Variants in EGFR observed in about 807,000 individuals in gnomAD.
EGFR encodes avian erythroblastic leukemia viral (v-erb-b) oncogene homolog.
Under a neutral mutation model 143.0 loss-of-function variants are expected in EGFR, and 58 were observed. The observed-to-expected ratio is 0.41, with a 90% confidence interval of 0.33 to 0.50. The LOEUF is 0.50. Among genes scored for constraint, EGFR ranks in the 20% least tolerant of loss-of-function variants. The pLI is 0.39. For synonymous variants in EGFR, 613 were observed against 594.4 expected (o/e 1.03, Z -0.45); for missense variants, 1,307 against 1,579.0 (o/e 0.83, Z 2.92).
intron 1 of EGFR, among the ~76,000 whole-genome samples, chr7:55,106,410 C>G (rs1055174470): frequency 6.6e-6 from 1 of 152,228 alleles, no homozygotes; most frequent in African/African-American, 2.4e-5. Context: ...GCAAGCCCAC[C>G]TTTTCCCTTC....
In EGFR at chr7:55,028,719, G is replaced by T. The variant is rs1009498211; in HGVS notation, c.88+9354G>T. Among the ~76,000 whole-genome samples, 5 of 151,960 alleles carry T rather than the reference G, an allele frequency of 3.3e-5. No homozygotes were observed. The East Asian group carries it at 9.6e-4, about 29-fold the overall frequency. On this transcript the variant is annotated intron_variant, in intron 1 of 27. Transcript: ENST00000275493. Reference sequence around the variant, plus strand: ...CTAGTGCTAACTTGCAAGATCTAATGGCTCCAACTAGATTTTTAAAATAAA... The same window carrying T: ...CTAGTGCTAACTTGCAAGATCTAATTGCTCCAACTAGATTTTTAAAATAAA...
At chr7:55,109,701 T>G (rs1268446807) in intron 1 of EGFR, 19 of 983,860 alleles carry the variant, frequency 1.9e-5, no homozygotes, top group Non-Finnish European at 2.2e-5. Flanking sequence ...GGTATAAACT[T>G]TTGACTCACA....
intron 1 of EGFR, among the ~76,000 whole-genome samples, chr7:55,021,959 G>A (rs932064605): frequency 3.9e-5 from 6 of 152,176 alleles, no homozygotes; most frequent in Admixed American, 6.5e-5. Context: ...TGCCTTGTCC[G>A]AGTTCTGGTT....
At chr7:55,188,422 C>G (rs1787240011) in intron 20 of EGFR, among the ~76,000 whole-genome samples, 1 of 152,242 alleles carries the variant, frequency 6.6e-6, no homozygotes, top group East Asian at 1.9e-4. Flanking sequence ...GCCCCGACAG[C>G]CATGTGGAGC....
At chr7:55,027,880 T>C (rs963864640) in intron 1 of EGFR, among the ~76,000 whole-genome samples, 4 of 151,668 alleles carry the variant, frequency 2.6e-5, no homozygotes, top group Admixed American at 1.3e-4. Context: ...ACCTATTTAT[T>C]TGCAGACATC....
chr7:55,157,575 C>A, intron 10 of EGFR, 88 bp from the exon 11 acceptor site: 1 of 1,060,138 alleles, frequency 9.4e-7, no homozygotes, highest in Non-Finnish European at 1.5e-6. Flanking sequence ...TCATATAATA[C>A]AGAGTCCCTG....
chr7:55,153,370 G>C (rs1204867458), intron 6 of EGFR, among the ~76,000 whole-genome samples: 2 of 152,262 alleles, frequency 1.3e-5, no homozygotes, highest in Non-Finnish European at 2.9e-5. Flanking sequence ...GTGACTCCTG[G>C]AGTGGGAGCT....
At chr7:55,027,134 GC>G in intron 1 of EGFR, among the ~76,000 whole-genome samples, 1 of 152,298 alleles carries the variant, frequency 6.6e-6, no homozygotes, top group Non-Finnish European at 1.5e-5. Flanking sequence ...CAAAATAACT[GC>G]ACTTGTCCTC....
chr7:55,158,263 C>A (rs930872577), intron 11 of EGFR, among the ~76,000 whole-genome samples: 1 of 152,206 alleles, frequency 6.6e-6, no homozygotes, highest in African/African-American at 2.4e-5. Flanking sequence ...AATAGACATG[C>A]AGGTGCTCAC....
chr7:55,146,902 G>A (rs556365465), intron 4 of EGFR, among the ~76,000 whole-genome samples, 162 bp downstream of exon 4: 1 of 152,238 alleles, frequency 6.6e-6, no homozygotes, highest in Non-Finnish European at 1.5e-5. Flanking sequence ...TATTTACCAC[G>A]GACATAGAGA....
chr7:55,068,206 A>C (rs1789628897), intron 1 of EGFR, among the ~76,000 whole-genome samples: 1 of 152,180 alleles, frequency 6.6e-6, no homozygotes, highest in African/African-American at 2.4e-5. Context: ...TCTGTTTTAA[A>C]ATATCAGAAC....
intron 1 of EGFR, among the ~76,000 whole-genome samples, chr7:55,112,742 G>A (rs1792588793): frequency 6.6e-6 from 1 of 152,216 alleles, no homozygotes; most frequent in Admixed American, 6.5e-5. Context: ...GTAGACTATG[G>A]AATTGCTGTC....
intron 24 of EGFR, 51 bp downstream of exon 24, chr7:55,200,464 T>C (rs2128970135): frequency 6.5e-7 from 1 of 1,549,678 alleles, no homozygotes; most frequent in Non-Finnish European, 8.9e-7. Context: ...CTAATGAGCA[T>C]CTCATGTCAC....
At chr7:55,151,701 C>T (rs1459200016) in intron 5 of EGFR, among the ~76,000 whole-genome samples, 3 of 152,092 alleles carry the variant, frequency 2.0e-5, no homozygotes, top group African/African-American at 7.2e-5. Context: ...AGTGAAACCT[C>T]GTCTCTACTA....
At chr7:55,115,086 G>A (rs906466514) in intron 1 of EGFR, among the ~76,000 whole-genome samples, 6 of 151,826 alleles carry the variant, frequency 4.0e-5, no homozygotes, top group African/African-American at 1.5e-4. Flanking sequence ...TTTCACCATG[G>A]TCTCGATCTC....
rs540647354 is a variant in EGFR, at chr7:55,152,711, C to A, written c.747+47C>A. The A allele has an allele frequency of 4.4e-5, 66 of 1,504,692 alleles. No homozygotes were observed. In the South Asian group the frequency reaches 7.2e-4, roughly 16 times the overall value. The allele number at this position is 1,504,692 out of a possible 1,614,324, so 93.2% of individuals were successfully genotyped here. A position where few individuals can be genotyped will look rare whatever the true frequency, so the allele number is the denominator to read the frequency against. ...CTCCCTGGAGCAGGCTGGGGCTGCA[C>A]CCGCCCCACCCACACCAGGACAGAA... On this transcript the variant is annotated intron_variant, in intron 6 of 27. Coordinates refer to ENST00000275493, the MANE Select transcript of EGFR (RefSeq NM_005228.5).
intron 3 of EGFR, among the ~76,000 whole-genome samples, chr7:55,145,180 T>G (rs930016499): frequency 1.3e-5 from 2 of 152,192 alleles, no homozygotes; most frequent in Non-Finnish European, 2.9e-5. Context: ...GGCCCAGCTC[T>G]GACTGTGCCT....
chr7:55,116,146 T>C (rs1376968496), intron 1 of EGFR, among the ~76,000 whole-genome samples: 1 of 152,212 alleles, frequency 6.6e-6, no homozygotes, highest in Non-Finnish European at 1.5e-5. Flanking sequence ...AAGAAAGGCT[T>C]GACAACATCG....
chr7:55,035,898 G>A (rs1787537628), intron 1 of EGFR, among the ~76,000 whole-genome samples: 1 of 151,824 alleles, frequency 6.6e-6, no homozygotes. Flanking sequence ...TAACATCTTA[G>A]TAGCAAAGTT....
Sources: allele counts gnomAD v4.1 joint callset (sites outside exome capture counted in the v4.1 genomes callset), GRCh38; gene constraint gnomAD v4.1.1; transcripts MANE v1.5; gene names NCBI Gene and HGNC (gene_info 2026-07-23, HGNC 2026-07-21).